Variants in LPGAT1 observed in about 807,000 individuals in gnomAD.
The protein encoded by LPGAT1 is lysophosphatidylglycerol acyltransferase 1, also known as acyl-CoA:lysophosphatidylglycerol acyltransferase 1.
In LPGAT1, 11 loss-of-function variants were observed where a neutral mutation model predicts 47.5. The observed-to-expected ratio is 0.23, with a 90% confidence interval of 0.15 to 0.38. LPGAT1 has a LOEUF of 0.38. LPGAT1 is among the 10% of genes least tolerant of loss of function. The pLI, the probability that LPGAT1 is intolerant of heterozygous loss-of-function variation, is 1.00. For synonymous variants in LPGAT1, 138 were observed against 144.2 expected (o/e 0.96, Z 0.31); for missense variants, 293 against 439.0 (o/e 0.67, Z 2.97).
rs1288023715 is a variant in LPGAT1, at chr1:211,745,508, T to C, written c.*4391A>G. ...AGCCATTCAAGATATGTGTGCATAC[T>C]TTGCAACTAGAATACACTTAAAAAA... On this transcript the variant is annotated 3_prime_UTR_variant, in exon 8 of 8. Coordinates refer to ENST00000366997, the MANE Select transcript of LPGAT1 (RefSeq NM_014873.3). 1 of 152,216 alleles carries C rather than the reference T, an allele frequency of 6.6e-6. No individual in the cohort carries two copies. Among genetic ancestry groups the C allele is most frequent in the African/African-American group, 2.4e-5 (1 of 41,454 alleles). 9.4% of individuals were successfully genotyped at this position (152,216 alleles called of 1,614,324 possible).
intron 2 of LPGAT1, among the ~76,000 whole-genome samples, chr1:211,824,421 G>T (rs1330957181): frequency 6.6e-6 from 1 of 152,104 alleles, no homozygotes; most frequent in Non-Finnish European, 1.5e-5. Context: ...GATCATTCAA[G>T]AACTAGACAC....
intron 5 of LPGAT1, among the ~76,000 whole-genome samples, chr1:211,780,610 T>A (rs549834789): frequency 6.6e-6 from 1 of 152,218 alleles, no homozygotes; most frequent in East Asian, 1.9e-4. Flanking sequence ...TAGAATAACA[T>A]TGTGAAGGAG....
At chr1:211,799,663 G>A (rs757762756) in intron 2 of LPGAT1, among the ~76,000 whole-genome samples, 13 of 152,116 alleles carry the variant, frequency 8.5e-5, no homozygotes, top group Non-Finnish European at 7.3e-5. Flanking sequence ...TAAGGATGGT[G>A]GATGGCAACA....
chr1:211,782,391 CTT>C (rs899418842), intron 5 of LPGAT1, among the ~76,000 whole-genome samples: 6 of 152,312 alleles, frequency 3.9e-5, no homozygotes, highest in African/African-American at 7.2e-5. Context: ...TTTATTAACA[CTT>C]AATGCTCTTA....
intron 1 of LPGAT1, chr1:211,829,824 GTT>G: frequency 1.0e-6 from 1 of 985,156 alleles, no homozygotes; most frequent in Non-Finnish European, 1.2e-6. Context: ...CTAGCGAAGA[GTT>G]ACCCTCAAAA....
In LPGAT1 at chr1:211,748,155, G is replaced by A. The variant is rs200012051; in HGVS notation, c.*1744C>T. On this transcript the variant is annotated 3_prime_UTR_variant, in exon 8 of 8. Transcript: ENST00000366997. ...TTATAGCCTACTTCTCAAAATTGTT[G>A]TGTGATTAGTGACAACGGGGGAATC... is the stretch of plus-strand genomic sequence containing the variant. The A allele has an allele frequency of 1.3e-4, 19 of 146,768 alleles. No homozygotes were observed. Among genetic ancestry groups the A allele is most frequent in the African/African-American group, 4.5e-4 (18 of 40,084 alleles). The allele number at this position is 146,768 out of a possible 1,614,324, so 9.1% of individuals were successfully genotyped here. A position where few individuals can be genotyped will look rare whatever the true frequency, so the allele number is the denominator to read the frequency against.
chr1:211,758,363 C>T (rs1657550854), intron 6 of LPGAT1, among the ~76,000 whole-genome samples: 1 of 152,086 alleles, frequency 6.6e-6, no homozygotes, highest in African/African-American at 2.4e-5. Context: ...TTTACCTTTC[C>T]TATGTTAACA....
rs1489386167 is a variant in LPGAT1, at chr1:211,747,981, A to G, written c.*1918T>C. 6 of 152,706 alleles carry G rather than the reference A, an allele frequency of 3.9e-5. No individual in the cohort carries two copies. The highest frequency in any genetic ancestry group is 3.4e-3 in the Middle Eastern group (1 of 294). The allele number at this position is 152,706 out of a possible 1,614,324, so 9.5% of individuals were successfully genotyped here. On this transcript the variant is annotated 3_prime_UTR_variant, in exon 8 of 8. Transcript: ENST00000366997. ...TTCAGTTAATGCATCATTCTCTTTCACATATGCACTGAGTTATCGTAAAGA... is the reference window on the plus strand; with the variant it reads ...TTCAGTTAATGCATCATTCTCTTTCGCATATGCACTGAGTTATCGTAAAGA...
At chr1:211,827,011 T>C (rs964394057) in intron 2 of LPGAT1, among the ~76,000 whole-genome samples, 1 of 152,244 alleles carries the variant, frequency 6.6e-6, no homozygotes, top group African/African-American at 2.4e-5. Context: ...TTAGATGTGC[T>C]TCTTTAAACT....
intron 6 of LPGAT1, among the ~76,000 whole-genome samples, chr1:211,751,664 C>T (rs557474326): frequency 6.6e-6 from 1 of 152,138 alleles, no homozygotes; most frequent in South Asian, 2.1e-4. Flanking sequence ...TTAGTGATAC[C>T]CATGGACTGA....
chr1:211,781,080 G>A (rs1344838223), intron 5 of LPGAT1, among the ~76,000 whole-genome samples: 1 of 152,050 alleles, frequency 6.6e-6, no homozygotes, highest in Non-Finnish European at 1.5e-5. Context: ...AAATGCTAGT[G>A]AATATAAATG....
chr1:211,817,570 CAA>C (rs528517027), intron 2 of LPGAT1, among the ~76,000 whole-genome samples: 5 of 107,792 alleles, frequency 4.6e-5, no homozygotes, highest in Admixed American at 1.9e-4. Context: ...GGCTCCATCT[CAA>C]AAAAAAAAAA....
At chr1:211,810,411 C>T (rs1048238758) in intron 2 of LPGAT1, among the ~76,000 whole-genome samples, 4 of 152,120 alleles carry the variant, frequency 2.6e-5, no homozygotes, top group African/African-American at 4.8e-5. Context: ...AATTTGCCTG[C>T]CTTTCCAGTC....
chr1:211,795,323 T>A (rs937463334), intron 2 of LPGAT1, among the ~76,000 whole-genome samples: 7 of 152,104 alleles, frequency 4.6e-5, no homozygotes, highest in African/African-American at 1.7e-4. Context: ...AAAAGCAAAG[T>A]GTAGAATAGG....
chr1:211,770,715 C>A (rs942960528), intron 6 of LPGAT1, among the ~76,000 whole-genome samples: 1 of 152,122 alleles, frequency 6.6e-6, no homozygotes, highest in Non-Finnish European at 1.5e-5. Flanking sequence ...ATATCCTAGG[C>A]CTTCACATTC....
At chr1:211,817,270 C>T (rs1054407775) in intron 2 of LPGAT1, among the ~76,000 whole-genome samples, 32 of 152,264 alleles carry the variant, frequency 2.1e-4, no homozygotes, top group African/African-American at 7.5e-4. Context: ...ACGAACTCAA[C>T]TATTCATAAA....
intron 6 of LPGAT1, among the ~76,000 whole-genome samples, chr1:211,774,132 C>CTTTTTTTT (rs67342051): frequency 0.21 from 13,771 of 66,350 alleles, 4,416 homozygotes; most frequent in Non-Finnish European, 0.26. Flanking sequence ...TTTTAAAAGT[C>CTTTTTTTT]TTTTTTTTTT....
intron 6 of LPGAT1, among the ~76,000 whole-genome samples, chr1:211,775,027 C>T (rs1413470741): frequency 1.3e-5 from 2 of 152,042 alleles, no homozygotes; most frequent in African/African-American, 4.8e-5. Flanking sequence ...TGGGAAAACG[C>T]CACTTTTGCT....
At chr1:211,765,559 A>T (rs1409372426) in intron 6 of LPGAT1, among the ~76,000 whole-genome samples, 1 of 152,238 alleles carries the variant, frequency 6.6e-6, no homozygotes, top group Non-Finnish European at 1.5e-5. Context: ...TTTTGGAATA[A>T]CAATGGCACT....
Sources: allele counts gnomAD v4.1 joint callset (sites outside exome capture counted in the v4.1 genomes callset), GRCh38; gene constraint gnomAD v4.1.1; transcripts MANE v1.5; gene names NCBI Gene and HGNC (gene_info 2026-07-23, HGNC 2026-07-21).